Variants in HERC2 observed in about 807,000 individuals in gnomAD.
HERC2 encodes the protein HECT and RLD domain containing E3 ubiquitin protein ligase 2, also known as E3 ubiquitin-protein ligase HERC2.
In HERC2, 102 loss-of-function variants were observed where a neutral mutation model predicts 537.7. The ratio of observed to expected loss-of-function variants is 0.19; its 90% CI spans 0.16 to 0.22. The LOEUF (loss-of-function observed/expected upper bound fraction) is 0.22, where lower values mean the gene tolerates loss of function less well. HERC2 is among the 10% of genes least tolerant of loss of function. The probability of loss-of-function intolerance (pLI) is 1.00; values close to 1 mark genes in which losing one functional copy is unlikely to be tolerated. For synonymous variants in HERC2, 2,224 were observed against 2,466.2 expected (o/e 0.90, Z 2.91); for missense variants, 4,236 against 6,198.2 (o/e 0.68, Z 10.63).
At chr15:28,214,544 G>A (rs1181579958) in intron 40 of HERC2, 111 bp downstream of exon 40, 42 of 1,376,252 alleles carry the variant, frequency 3.1e-5, no homozygotes, top group Non-Finnish European at 3.5e-5. Flanking sequence ...TCTGAGTGAC[G>A]GCACTGCGCC....
At chr15:28,135,872 A>G (rs1309725340) in intron 78 of HERC2, among the ~76,000 whole-genome samples, 180 bp from the exon 79 acceptor site, 1 of 152,264 alleles carries the variant, frequency 6.6e-6, no homozygotes, top group Non-Finnish European at 1.5e-5. Flanking sequence ...AGTTCTAGAA[A>G]TGAAATAAAA....
chr15:28,209,263 T>C (rs943415995), intron 44 of HERC2, among the ~76,000 whole-genome samples: 1 of 151,988 alleles, frequency 6.6e-6, no homozygotes. Flanking sequence ...ATCAAAAATA[T>C]TCAGAATAAA....
At chr15:28,162,399 A>G (rs571096072) in intron 69 of HERC2, among the ~76,000 whole-genome samples, 31 of 152,264 alleles carry the variant, frequency 2.0e-4, no homozygotes, top group African/African-American at 7.2e-4. Context: ...TTTTTTCAGC[A>G]TAATACAAAA....
In HERC2 at chr15:28,272,154, T is replaced by TG. The variant is rs2140995896; in HGVS notation, c.1083+60dup. 12 of 1,444,784 alleles carry TG rather than the reference T, an allele frequency of 8.3e-6. No homozygotes were observed. In the South Asian group the frequency reaches 1.5e-4, roughly 18 times the overall value. 89.5% of individuals were successfully genotyped at this position (1,444,784 alleles called of 1,614,324 possible). ...CTGCCGTTGACATGCATGCTAGTCTTGCTTTAAAAGTAACTAGACTCGAGT... is the reference window on the plus strand; with the variant it reads ...CTGCCGTTGACATGCATGCTAGTCTTGGCTTTAAAAGTAACTAGACTCGAGT... On this transcript the variant is annotated intron_variant, in intron 9 of 92. Transcript: ENST00000261609.
intron 3 of HERC2, among the ~76,000 whole-genome samples, chr15:28,293,483 ACT>A (rs2076376926): frequency 1.7e-5 from 2 of 117,672 alleles, no homozygotes; most frequent in Admixed American, 1.0e-4. Flanking sequence ...ACAGAGCGAG[ACT>A]CTGTCTCAAA....
chr15:28,311,166 T>C (rs2076934886), intron 2 of HERC2, among the ~76,000 whole-genome samples: 2 of 138,626 alleles, frequency 1.4e-5, no homozygotes, highest in South Asian at 4.7e-4. Flanking sequence ...GGAAGTACAG[T>C]CTTTAAGATT....
At chr15:28,149,242 C>T (rs1334202374) in intron 70 of HERC2, among the ~76,000 whole-genome samples, 2 of 151,474 alleles carry the variant, frequency 1.3e-5, no homozygotes, top group Non-Finnish European at 2.9e-5. Flanking sequence ...AAAACATCAC[C>T]GAAAATGGCC....
At chr15:28,253,105 G>A (rs1156348806) in intron 20 of HERC2, among the ~76,000 whole-genome samples, 4 of 152,236 alleles carry the variant, frequency 2.6e-5, no homozygotes, top group Non-Finnish European at 5.9e-5. Flanking sequence ...AGGTACAAAT[G>A]TGTTTCACTT....
rs772066142 is a variant in HERC2 at position 28,191,235 on chromosome 15, G to A, written c.8461C>T (p.Arg2821Cys). 1.3e-5 allele frequency: 21 copies of A among 1,610,094 alleles called. 1 individual carries two copies. Among genetic ancestry groups the A allele is most frequent in the East Asian group, 1.1e-4 (5 of 44,864 alleles). The change falls in exon 54 of 93, where the codon CGT (arginine) becomes TGT (cysteine). Residue 2821 changes from arginine to cysteine, a missense_variant. Arg to Cys is a radical substitution (Grantham distance 180). This residue lies in a region of HERC2 where 606 missense variants were observed against 884.5 expected (regional missense o/e 0.69). Coordinates refer to ENST00000261609, the MANE Select transcript of HERC2 (RefSeq NM_004667.6). ...AGAACATCTGGGAAAATCTCCAAAC[G>A]AATCCAGTGCTTTAGAAAAACAAAA... ...SSGSQGKHWIRLEIFPDVLVH... is the reference protein window; with the variant it reads ...SSGSQGKHWICLEIFPDVLVH...
intron 65 of HERC2, among the ~76,000 whole-genome samples, chr15:28,173,866 G>C (rs1894950253): frequency 7.1e-6 from 1 of 141,824 alleles, no homozygotes; most frequent in African/African-American, 2.6e-5. Flanking sequence ...TCTAGTGACA[G>C]AAATTAAATT....
At chr15:28,144,299 G>A (rs550313929) in intron 72 of HERC2, 64 bp from the exon 73 acceptor site, 18 of 1,551,084 alleles carry the variant, frequency 1.2e-5, no homozygotes, top group African/African-American at 6.8e-5. Flanking sequence ...ATAAGAAGCC[G>A]CCAACGAACA....
At chr15:28,256,676 G>T (rs2075272235) in intron 17 of HERC2, among the ~76,000 whole-genome samples, 1 of 152,118 alleles carries the variant, frequency 6.6e-6, no homozygotes, top group African/African-American at 2.4e-5. Context: ...CTCACTGCAA[G>T]CTCTGCCTCC....
rs1196084030 is a variant in HERC2 at position 28,142,881 on chromosome 15, A to G, written c.11490T>C (p.Tyr3830=). ...TGCCACCCCTCACAATAGGATCTTCATATTCAAACTGCCTTTGCAAAGCTT... is the reference window on the plus strand; with the variant it reads ...TGCCACCCCTCACAATAGGATCTTCGTATTCAAACTGCCTTTGCAAAGCTT... The part of the protein sequence containing the change: ...LPEALQRQFE[Y]EDPIVRGGKQ... Residue 3830 remains tyrosine (Y), a synonymous_variant, in exon 75 of 93, where the codon TAT becomes TAC. Coordinates refer to ENST00000261609, the MANE Select transcript of HERC2 (RefSeq NM_004667.6). 1.9e-6 allele frequency: 3 copies of G among 1,589,442 alleles called. No homozygotes were observed. Among genetic ancestry groups the G allele is most frequent in the Non-Finnish European group, 2.6e-6 (3 of 1,158,340 alleles).
chr15:28,302,845 A>T (rs1422419648), intron 2 of HERC2, among the ~76,000 whole-genome samples: 1 of 152,018 alleles, frequency 6.6e-6, no homozygotes, highest in African/African-American at 2.4e-5. Flanking sequence ...GCCCATTCTT[A>T]TTGGATTATT....
At chr15:28,285,543 C>G (rs909632696) in intron 4 of HERC2, among the ~76,000 whole-genome samples, 1 of 151,664 alleles carries the variant, frequency 6.6e-6, no homozygotes, top group Non-Finnish European at 1.5e-5. Flanking sequence ...GAAAGAGCTA[C>G]AGTGGGTGAT....
At chr15:28,181,275 G>A (rs1895793674) in intron 57 of HERC2, among the ~76,000 whole-genome samples, 1 of 152,120 alleles carries the variant, frequency 6.6e-6, no homozygotes, top group Non-Finnish European at 1.5e-5. Flanking sequence ...TCCATGTAAG[G>A]CAGTGAGCAA....
chr15:28,130,670 A>G, intron 81 of HERC2, 76 bp from the exon 82 acceptor site: 23 of 988,608 alleles, frequency 2.3e-5, no homozygotes, highest in Non-Finnish European at 3.4e-5. Context: ...CTGAGATTTA[A>G]CTAAATCTAG....
chr15:28,198,815 G>A (rs763602655), intron 48 of HERC2, 46 bp from the exon 49 acceptor site: 10 of 1,508,426 alleles, frequency 6.6e-6, no homozygotes, highest in Non-Finnish European at 9.1e-6. Context: ...ATGTACACAG[G>A]TGAAATGAGC....
At chr15:28,127,324 C>T (rs1283974927) in intron 83 of HERC2, among the ~76,000 whole-genome samples, 4 of 152,210 alleles carry the variant, frequency 2.6e-5, no homozygotes, top group African/African-American at 7.2e-5. Context: ...AAGACCCCCA[C>T]ATGCAAGGGG....
Sources: allele counts gnomAD v4.1 joint callset (sites outside exome capture counted in the v4.1 genomes callset), GRCh38; gene constraint gnomAD v4.1.1; regional missense constraint gnomAD v4.1.1; transcripts MANE v1.5; gene names NCBI Gene and HGNC (gene_info 2026-07-23, HGNC 2026-07-21).